NME7: variants seen among roughly 807,000 people sequenced by gnomAD.
NME7 encodes NME/NM23 family member 7.
In NME7, 41 loss-of-function variants were observed where a neutral mutation model predicts 49.1. That is an observed-to-expected ratio of 0.83 (90% CI 0.65 to 1.08). NME7 has a LOEUF of 1.08. Among genes scored for constraint, NME7 ranks in the 50% least tolerant of loss-of-function variants. NME7 has a pLI of 0.00. For synonymous variants in NME7, 139 were observed against 150.6 expected, an observed-to-expected ratio of 0.92 and a Z score of 0.56; for missense variants, 423 against 463.4, an observed-to-expected ratio of 0.91 and a Z score of 0.80.
chr1:169,345,585 C>T (rs1443675176), intron 1 of NME7, among the ~76,000 whole-genome samples: 1 of 152,064 alleles, frequency 6.6e-6, no homozygotes, highest in East Asian at 1.9e-4. Flanking sequence ...TGAAACCTCT[C>T]TTCTATTCCA....
chr1:169,338,376 A>G (rs1454666831), intron 1 of NME7, among the ~76,000 whole-genome samples: 1 of 152,216 alleles, frequency 6.6e-6, no homozygotes, highest in Non-Finnish European at 1.5e-5. Flanking sequence ...GTATTTCCCC[A>G]ACTGTGATGT....
chr1:169,307,577 T>C (rs1176390931), intron 4 of NME7, among the ~76,000 whole-genome samples: 1 of 152,196 alleles, frequency 6.6e-6, no homozygotes, highest in African/African-American at 2.4e-5. Context: ...GGTTTTAGCA[T>C]TTTTCTTCAT....
chr1:169,302,146 T>C (rs895691799), intron 5 of NME7: 1 of 152,136 alleles, frequency 6.6e-6, no homozygotes, highest in African/African-American at 2.4e-5. Flanking sequence ...ACTTATACAC[T>C]GTTGATGGAA....
intron 11 of NME7, among the ~76,000 whole-genome samples, chr1:169,163,939 T>C (rs1190118311): frequency 6.6e-6 from 1 of 151,920 alleles, no homozygotes; most frequent in Non-Finnish European, 1.5e-5. Flanking sequence ...CAAAACCCTG[T>C]CTCTACTAAA....
intron 7 of NME7, among the ~76,000 whole-genome samples, chr1:169,258,029 T>C (rs984201872): frequency 1.5e-5 from 2 of 132,708 alleles, no homozygotes; most frequent in African/African-American, 5.1e-5. Context: ...TTAGTTTGAG[T>C]GTTTGTTTCT....
chr1:169,279,656 T>A (rs968395570), intron 7 of NME7, among the ~76,000 whole-genome samples: 1 of 152,212 alleles, frequency 6.6e-6, no homozygotes, highest in Non-Finnish European at 1.5e-5. Context: ...AGGCAATGCC[T>A]CGCCCTGCTT....
At chr1:169,357,951 C>T (rs990013266) in intron 1 of NME7, among the ~76,000 whole-genome samples, 1 of 152,052 alleles carries the variant, frequency 6.6e-6, no homozygotes, top group Non-Finnish European at 1.5e-5. Context: ...TGCCCCTATC[C>T]ACAAAAGTAT....
chr1:169,335,032 T>TAG (rs1652404188), intron 1 of NME7, among the ~76,000 whole-genome samples: 1 of 152,096 alleles, frequency 6.6e-6, no homozygotes, highest in South Asian at 2.1e-4. Flanking sequence ...TCACACCAGT[T>TAG]AGAATGACGA....
intron 1 of NME7, among the ~76,000 whole-genome samples, chr1:169,331,674 G>A (rs1262959675): frequency 1.3e-5 from 2 of 151,960 alleles, no homozygotes; most frequent in Non-Finnish European, 2.9e-5. Flanking sequence ...TGCCAACAGT[G>A]AACAATCTTA....
At chr1:169,159,116 G>A (rs1328334320) in intron 11 of NME7, among the ~76,000 whole-genome samples, 1 of 152,132 alleles carries the variant, frequency 6.6e-6, no homozygotes, top group African/African-American at 2.4e-5. Context: ...TGTTGGGTGA[G>A]GGCTCTGGTT....
At chr1:169,279,693 A>G (rs1027986514) in intron 7 of NME7, among the ~76,000 whole-genome samples, 1 of 152,172 alleles carries the variant, frequency 6.6e-6, no homozygotes, top group Non-Finnish European at 1.5e-5. Flanking sequence ...CGCTGCACCC[A>G]CTGTCCTGCG....
chr1:169,276,773 T>C lies in NME7; in HGVS notation c.754+10530A>G, dbSNP rs1185853388. ...CTTGCTTTTCTAGTTCTTTTAATTG[T>C]GATGTTAGGGTGTCAATTTTGGATC... On this transcript the variant is annotated intron_variant, in intron 7 of 11. Coordinates refer to ENST00000367811, the MANE Select transcript of NME7 (RefSeq NM_013330.5). Among the ~76,000 whole-genome samples the C allele has an allele frequency of 5.9e-5, 8 of 134,726 alleles. 1 individual carries two copies. The East Asian group carries it at 1.0e-3, about 17-fold the overall frequency. 88.4% of individuals were successfully genotyped at this position (134,726 alleles called of 152,430 possible).
At chr1:169,145,044 C>T (rs373172935) in intron 11 of NME7, among the ~76,000 whole-genome samples, 6 of 152,086 alleles carry the variant, frequency 3.9e-5, no homozygotes, top group Admixed American at 2.6e-4. Flanking sequence ...TATTGTATAA[C>T]GTTTTATAAT....
chr1:169,190,618 A>T (rs951839564), intron 10 of NME7: 15 of 428,814 alleles, frequency 3.5e-5, no homozygotes, highest in African/African-American at 2.7e-4. Context: ...ACTTACATTT[A>T]AAAATGTTTG....
intron 3 of NME7, among the ~76,000 whole-genome samples, chr1:169,315,264 T>C (rs527239362): frequency 5.1e-4 from 74 of 145,408 alleles, no homozygotes; most frequent in Non-Finnish European, 1.0e-3. Context: ...TTCTTTCTTT[T>C]TTTTTTTTCT....
chr1:169,271,157 C>T (rs934706468), intron 7 of NME7, among the ~76,000 whole-genome samples: 1 of 133,582 alleles, frequency 7.5e-6, no homozygotes, highest in Non-Finnish European at 1.8e-5. Flanking sequence ...TGTTCTAGCT[C>T]TCTTAGAAAT....
At chr1:169,315,248 TTTTC>T (rs1169729132) in intron 3 of NME7, among the ~76,000 whole-genome samples, 9 of 151,522 alleles carry the variant, frequency 5.9e-5, no homozygotes, top group African/African-American at 1.7e-4. Context: ...CATTCCTTTC[TTTTC>T]TTTCTTTCTT....
At chr1:169,214,717 C>A (rs537506813) in intron 10 of NME7, among the ~76,000 whole-genome samples, 1 of 152,350 alleles carries the variant, frequency 6.6e-6, no homozygotes, top group South Asian at 2.1e-4. Flanking sequence ...GCCTGCCATG[C>A]TCAATGCCTT....
chr1:169,313,907 A>G (rs1651508587), intron 3 of NME7, among the ~76,000 whole-genome samples: 1 of 152,184 alleles, frequency 6.6e-6, no homozygotes, highest in Non-Finnish European at 1.5e-5. Context: ...ATATATTAGA[A>G]TATCTTGTGA....
Sources: allele counts gnomAD v4.1 joint callset (sites outside exome capture counted in the v4.1 genomes callset), GRCh38; gene constraint gnomAD v4.1.1; transcripts MANE v1.5; gene names NCBI Gene and HGNC (gene_info 2026-07-23, HGNC 2026-07-21).